TACR1: variants seen among roughly 807,000 people sequenced by gnomAD.
TACR1 encodes the protein substance-P receptor.
Under a neutral mutation model 35.8 loss-of-function variants are expected in TACR1, and 25 were observed. The observed-to-expected ratio is 0.70, with a 90% CI of 0.51 to 0.98. TACR1 has a LOEUF of 0.98. TACR1 is among the 50% of genes least tolerant of loss of function. The pLI is 0.00. For synonymous variants in TACR1, 195 were observed against 206.7 expected, an observed-to-expected ratio of 0.94 and a Z score of 0.48; for missense variants, 478 against 522.9, an observed-to-expected ratio of 0.91 and a Z score of 0.84.
intron 1 of TACR1, among the ~76,000 whole-genome samples, chr2:75,136,920 C>G (rs1023109655): frequency 2.4e-4 from 36 of 152,144 alleles, no homozygotes; most frequent in African/African-American, 8.2e-4. Flanking sequence ...TGGTAGACTA[C>G]CTAGGAGATC....
chr2:75,047,039 C>T lies in TACR1; in HGVS notation c.*2393G>A, dbSNP rs1447071933. 6.6e-6 allele frequency: 1 copy of T among 152,236 alleles called. No homozygotes were observed. The highest frequency in any genetic ancestry group is 2.4e-5 in the African/African-American group (1 of 41,426). The allele number at this position is 152,236 out of a possible 1,614,324, so 9.4% of individuals were successfully genotyped here. ...GATGACATTTTTATAAGTTAGTGGACATTGGAGACTGGGTCAGAGGAAGGC... is the reference window on the plus strand; with the variant it reads ...GATGACATTTTTATAAGTTAGTGGATATTGGAGACTGGGTCAGAGGAAGGC... On this transcript the variant is annotated 3_prime_UTR_variant, in exon 5 of 5. Transcript: ENST00000305249.
chr2:75,113,532 CTTT>C (rs11437762), intron 2 of TACR1, among the ~76,000 whole-genome samples: 12 of 92,084 alleles, frequency 1.3e-4, no homozygotes, highest in Admixed American at 2.9e-4. Flanking sequence ...TTTCTTCTTC[CTTT>C]TTTTTTTTTT....
In TACR1 at chr2:75,094,859, A is replaced by ATTT. The variant is rs58283121; in HGVS notation, c.584+25712_584+25714dup. Among the ~76,000 whole-genome samples, 1,008 of 113,044 alleles carry ATTT rather than the reference A, an allele frequency of 8.9e-3. 15 individuals carry two copies. Among genetic ancestry groups the ATTT allele is most frequent in the Non-Finnish European group, 0.013 (769 of 60,394 alleles). The allele number at this position is 113,044 out of a possible 152,430, so 74.2% of individuals were successfully genotyped here. A position where few individuals can be genotyped will look rare whatever the true frequency, so the allele number is the denominator to read the frequency against. ...GAAACATATATATATATATATATAT[A>ATTT]TTTTTTTTTTTTTTGCCCAAGATGG... On this transcript the variant is annotated intron_variant, in intron 2 of 4. Coordinates refer to ENST00000305249, the MANE Select transcript of TACR1 (RefSeq NM_001058.4).
intron 1 of TACR1, among the ~76,000 whole-genome samples, chr2:75,154,954 A>C (rs919920988): frequency 6.6e-6 from 1 of 152,154 alleles, no homozygotes; most frequent in East Asian, 1.9e-4. Context: ...CCTCCAGATG[A>C]GTCTGTGCTC....
intron 2 of TACR1, among the ~76,000 whole-genome samples, chr2:75,087,840 G>A (rs888866111): frequency 2.0e-5 from 3 of 152,224 alleles, no homozygotes; most frequent in Non-Finnish European, 2.9e-5. Flanking sequence ...AGCTGTAGCA[G>A]GTTCAGGAGT....
At chr2:75,180,720 T>C (rs1675540827) in intron 1 of TACR1, among the ~76,000 whole-genome samples, 1 of 152,164 alleles carries the variant, frequency 6.6e-6, no homozygotes, top group Non-Finnish European at 1.5e-5. Context: ...GCCCCAGGCA[T>C]GTGAGTGAGC....
chr2:75,066,920 G>A (rs1011855165), intron 2 of TACR1, among the ~76,000 whole-genome samples: 21 of 152,164 alleles, frequency 1.4e-4, no homozygotes, highest in African/African-American at 5.1e-4. Context: ...CCTCCCCAAG[G>A]CATCCAAAGA....
At chr2:75,189,485 G>A (rs1247559479) in intron 1 of TACR1, 3 of 152,178 alleles carry the variant, frequency 2.0e-5, no homozygotes, top group African/African-American at 7.2e-5. Flanking sequence ...ACATTGCTTT[G>A]TATGTGATTT....
intron 1 of TACR1, among the ~76,000 whole-genome samples, chr2:75,152,286 T>C (rs184181668): frequency 1.0e-3 from 153 of 152,238 alleles, no homozygotes; most frequent in African/African-American, 3.4e-3. Context: ...CTCAATTTGA[T>C]TTGTATCTCC....
At chr2:75,192,502 T>C (rs1675869528) in intron 1 of TACR1, among the ~76,000 whole-genome samples, 1 of 152,214 alleles carries the variant, frequency 6.6e-6, no homozygotes, top group Non-Finnish European at 1.5e-5. Context: ...TGGCCCTGTT[T>C]GGAAAGTTGA....
intron 1 of TACR1, among the ~76,000 whole-genome samples, chr2:75,140,508 G>A (rs1228929038): frequency 6.6e-6 from 1 of 152,048 alleles, no homozygotes; most frequent in Non-Finnish European, 1.5e-5. Flanking sequence ...GTTTCAAGAG[G>A]TGCTGTCAGG....
chr2:75,053,613 T>A lies in TACR1; in HGVS notation c.727A>T (p.Lys243Ter). The change falls in exon 3 of 5, where the codon AAG (lysine) becomes TAG (stop). Residue 243 changes from lysine (K) to a stop codon, truncating the protein, a stop_gained. Coordinates refer to ENST00000305249, the MANE Select transcript of TACR1 (RefSeq NM_001058.4). LOFTEE classifies it high-confidence loss of function. ...SDRYHEQVSA[K>*]RKVVKMMIVV... ...GCCTGTCCCCTGCTCACCTTGCGCT[T>A]GGCAGAGACTTGCTCGTGGTAGCGG... 6.5e-7 allele frequency: 1 copy of A among 1,548,052 alleles called. No homozygotes were observed. Among genetic ancestry groups the A allele is most frequent in the South Asian group, 1.3e-5 (1 of 79,310 alleles).
chr2:75,145,981 C>T (rs1674502591), intron 1 of TACR1, among the ~76,000 whole-genome samples: 1 of 151,984 alleles, frequency 6.6e-6, no homozygotes, highest in Non-Finnish European at 1.5e-5. Flanking sequence ...GTGGGGAATG[C>T]AAAGAGAAAG....
In TACR1 at chr2:75,137,536, T is replaced by C. The variant is rs564361901; in HGVS notation, c.390-16768A>G. On this transcript the variant is annotated intron_variant, in intron 1 of 4. Coordinates refer to ENST00000305249, the MANE Select transcript of TACR1 (RefSeq NM_001058.4). ...GTCAGGAGATCGAGATCATCCTGGCTAACACAGTGAAACCCCATCTCTACT... is the reference window on the plus strand; with the variant it reads ...GTCAGGAGATCGAGATCATCCTGGCCAACACAGTGAAACCCCATCTCTACT... Among the ~76,000 whole-genome samples, 9 of 151,746 alleles carry C rather than the reference T, an allele frequency of 5.9e-5. No individual in the cohort carries two copies. In the East Asian group the frequency reaches 1.6e-3, roughly 26 times the overall value.
intron 2 of TACR1, among the ~76,000 whole-genome samples, chr2:75,080,798 A>G (rs951981686): frequency 2.6e-5 from 4 of 152,194 alleles, no homozygotes; most frequent in Non-Finnish European, 4.4e-5. Flanking sequence ...ATGCACCCAA[A>G]TATTATTGTT....
chr2:75,175,659 A>G (rs1675394175), intron 1 of TACR1, among the ~76,000 whole-genome samples: 1 of 151,718 alleles, frequency 6.6e-6, no homozygotes. Context: ...CCTCCTTCCC[A>G]CTTTCACTGC....
At chr2:75,141,430 A>G (rs894704988) in intron 1 of TACR1, among the ~76,000 whole-genome samples, 1 of 152,188 alleles carries the variant, frequency 6.6e-6, no homozygotes, top group Non-Finnish European at 1.5e-5. Context: ...GCTGCCATGC[A>G]GAGGGAAGCT....
intron 1 of TACR1, among the ~76,000 whole-genome samples, chr2:75,172,443 G>C (rs544874721): frequency 4.1e-4 from 62 of 152,308 alleles, no homozygotes; most frequent in Admixed American, 9.8e-4. Flanking sequence ...GAGAAAAAAA[G>C]TTCCTTGGAC....
intron 2 of TACR1, among the ~76,000 whole-genome samples, chr2:75,077,913 A>G (rs887336485): frequency 6.6e-5 from 10 of 152,210 alleles, no homozygotes; most frequent in African/African-American, 2.4e-4. Flanking sequence ...TTTTCTTCCC[A>G]TAATCAAACT....
Sources: allele counts gnomAD v4.1 joint callset (sites outside exome capture counted in the v4.1 genomes callset), GRCh38; gene constraint gnomAD v4.1.1; transcripts MANE v1.5; gene names NCBI Gene and HGNC (gene_info 2026-07-23, HGNC 2026-07-21).